The following TMEM179 variants were observed in gnomAD, a reference collection of about 807,000 sequenced individuals.
The protein encoded by TMEM179 is transmembrane protein 179A.
TMEM179 carries 17 observed loss-of-function variants against 22.2 expected under a neutral mutation model. The ratio of observed to expected loss-of-function variants is 0.77; its 90% CI spans 0.52 to 1.15. The LOEUF (loss-of-function observed/expected upper bound fraction) is 1.15, where lower values mean the gene tolerates loss of function less well. Ranked by LOEUF, TMEM179 falls within the 50% of genes most tolerant of loss-of-function variation. The pLI is 0.00. For synonymous variants in TMEM179, 127 were observed against 140.5 expected (o/e 0.90, Z 0.68); for missense variants, 265 against 313.6 (o/e 0.84, Z 1.17).
At position 104,595,979 on chromosome 14, in the gene TMEM179, C is replaced by G. The variant is rs1427023142; in HGVS notation, c.444-736G>C. 6.6e-6 allele frequency among the ~76,000 whole-genome samples: 1 copy of G among 152,228 alleles called. No individual in the cohort carries two copies. Among genetic ancestry groups the G allele is most frequent in the Non-Finnish European group, 1.5e-5 (1 of 68,028 alleles). ...GGCCAAGGAAACTTTGCGTGTGTAC[C>G]AGAGGTTGCCCACACTCTTGGGAAG... On this transcript the variant is annotated intron_variant, in intron 2 of 3. Transcript: ENST00000556573. The surrounding 1 kb of genome is among the most constrained non-coding windows in gnomAD (Gnocchi z 5.7).
At position 104,604,486 on chromosome 14, in the gene TMEM179, C is replaced by T. The variant is rs1226117401; in HGVS notation, c.256G>A (p.Ala86Thr). 6.3e-7 allele frequency: 1 copy of T among 1,579,784 alleles called. No homozygotes were observed. Among genetic ancestry groups the T allele is most frequent in the Non-Finnish European group, 8.6e-7 (1 of 1,165,984 alleles). The change falls in exon 1 of 4, where the codon GCC becomes ACC. Residue 86 changes from alanine to threonine, a missense_variant. By Grantham distance (58) the Ala-to-Thr change is moderately conservative. Coordinates refer to ENST00000556573, the MANE Select transcript of TMEM179 (RefSeq NM_001286389.2). This position sits in a 1 kb window ranked among gnomAD's most constrained non-coding sequence, Gnocchi z 4.6. The stretch of plus-strand genomic sequence containing the variant: ...AAGAGCGTGCGCCAGGCGTGCGCGG[C>T]GGCCAGCAGCAGAGACAGGAGGCTG... ...LASLLSLLLA[A>T]AHAWRTLFFL...
rs1465702432 is a variant in TMEM179 at position 104,595,243 on chromosome 14, G to A, written c.444C>T (p.Ser148=). The change falls in exon 3 of 4, where the codon AGC becomes AGT. Residue 148 remains serine (S), a splice_region_variant and synonymous_variant. Coordinates refer to ENST00000556573, the MANE Select transcript of TMEM179 (RefSeq NM_001286389.2). This position sits in a 1 kb window ranked among gnomAD's most constrained non-coding sequence, Gnocchi z 5.7. ...AGTCGATGTCCTGGAGCTCTTCACAGCTAAAACAGCAGGACATAGGGTGGA... is the reference window on the plus strand; with the variant it reads ...AGTCGATGTCCTGGAGCTCTTCACAACTAAAACAGCAGGACATAGGGTGGA... The part of the protein sequence containing the change: ...TITEKGTVPH[S]CEELQDIDLE... The A allele has an allele frequency of 6.2e-7, 1 of 1,612,540 alleles. No homozygotes were observed. Among genetic ancestry groups the A allele is most frequent in the Non-Finnish European group, 8.5e-7 (1 of 1,179,586 alleles).
chr14:104,594,465 A>G, intron 3 of TMEM179: 4 of 1,231,658 alleles, frequency 3.2e-6, no homozygotes, highest in Non-Finnish European at 4.0e-6. Flanking sequence ...CCCACCCGGC[A>G]CCCCTCATCT....
chr14:104,596,788 C>A (rs1713334844), intron 2 of TMEM179, among the ~76,000 whole-genome samples: 1 of 152,106 alleles, frequency 6.6e-6, no homozygotes. Context: ...GCTCCTAGGG[C>A]GGGAAGGTGT....
At position 104,592,770 on chromosome 14, in the gene TMEM179, T is replaced by C. The variant is rs184213634; in HGVS notation, c.*709A>G. ...CCATGGCTCCTGGCCCAGTCCTCTA[T>C]GTGGTACGTGTGCCCCCGAAATCCC... On this transcript the variant is annotated 3_prime_UTR_variant, in exon 4 of 4. Transcript: ENST00000556573. 4.2e-3 allele frequency among the ~76,000 whole-genome samples: 647 copies of C among 152,302 alleles called. 4 individuals carry two copies. Among genetic ancestry groups the C allele is most frequent in the Middle Eastern group, 0.024 (7 of 294 alleles).
At chr14:104,598,599 A>T (rs1001965733) in intron 1 of TMEM179, among the ~76,000 whole-genome samples, 4 of 152,254 alleles carry the variant, frequency 2.6e-5, no homozygotes, top group African/African-American at 9.6e-5. Context: ...GCAGAGTGAT[A>T]CAAAAGACGA....
At chr14:104,601,901 G>A (rs1269464922) in intron 1 of TMEM179, among the ~76,000 whole-genome samples, 1 of 152,068 alleles carries the variant, frequency 6.6e-6, no homozygotes, top group East Asian at 1.9e-4. Context: ...ACCCCCACAG[G>A]CCTGAGCATA....
rs1315955386 is a variant in TMEM179, at chr14:104,591,814, AGGGAGCACTT to A, written c.*1655_*1664del. The A allele has an allele frequency of 9.9e-6, 2 of 201,752 alleles. No homozygotes were observed. The highest frequency in any genetic ancestry group is 4.8e-5 in the African/African-American group (2 of 41,776). 12.5% of individuals were successfully genotyped at this position (201,752 alleles called of 1,614,324 possible). A position where few individuals can be genotyped will look rare whatever the true frequency, so the allele number is the denominator to read the frequency against. On this transcript the variant is annotated 3_prime_UTR_variant, in exon 4 of 4. Coordinates refer to ENST00000556573, the MANE Select transcript of TMEM179 (RefSeq NM_001286389.2). Reference sequence around the variant, plus strand: ...TCCCCGGGAAGGTGGGCGCAGCAGCAGGGAGCACTTGGCAGCACTCGAGCCAAGAAACGGA... The same window carrying A: ...TCCCCGGGAAGGTGGGCGCAGCAGCAGGCAGCACTCGAGCCAAGAAACGGA...
At chr14:104,594,560 T>G in intron 3 of TMEM179, 1 of 1,230,786 alleles carries the variant, frequency 8.1e-7, no homozygotes. Context: ...CACGGGCCAC[T>G]GATGTGTCCC....
rs935496979 is a variant in TMEM179 at position 104,597,804 on chromosome 14, G to A, written c.306-677C>T. On this transcript the variant is annotated intron_variant, in intron 1 of 3. Transcript: ENST00000556573. The surrounding 1 kb of genome is among the most constrained non-coding windows in gnomAD (Gnocchi z 4.8). ...TGATGCCGAGAGCTTCCATTCACCC[G>A]CAGGTCATCAGCGCGTGGCCTGGAC... 6.6e-6 allele frequency among the ~76,000 whole-genome samples: 1 copy of A among 152,190 alleles called. No individual in the cohort carries two copies. Among genetic ancestry groups the A allele is most frequent in the Non-Finnish European group, 1.5e-5 (1 of 68,032 alleles).
chr14:104,593,118 C>G lies in TMEM179; in HGVS notation c.*361G>C, dbSNP rs1886896179. 3 of 318,478 alleles carry G rather than the reference C, an allele frequency of 9.4e-6. No homozygotes were observed. The East Asian group carries it at 1.9e-4, about 20-fold the overall frequency. The allele number at this position is 318,478 out of a possible 1,614,324, so 19.7% of individuals were successfully genotyped here. ...ACCCCTGGGCCAGCTGGCATGGAGA[C>G]AGCATCCGGCCAGGGTTGGGGGAGA... On this transcript the variant is annotated 3_prime_UTR_variant, in exon 4 of 4. Transcript: ENST00000556573.
Position 104,597,115 on chromosome 14 carries a change from G to A in TMEM179, c.318C>T (p.Ser106=), listed in dbSNP as rs113763358. 1.0e-5 allele frequency: 16 copies of A among 1,596,520 alleles called. No individual in the cohort carries two copies. Among genetic ancestry groups the A allele is most frequent in the African/African-American group, 9.4e-5 (7 of 74,734 alleles). The change falls in exon 2 of 4, where the codon TCC becomes TCT. Residue 106 remains serine (S), a synonymous_variant. Transcript: ENST00000556573. The surrounding 1 kb of genome is among the most constrained non-coding windows in gnomAD (Gnocchi z 4.8). ...CGCTGACCAGGAGGTTCAGGAAGGC[G>A]GAGAAGAAGGAGCTGCAGCCAGAAA... ...LCKGHEGSFF[S]AFLNLLVSAF... is the part of the protein sequence containing the mutation.
chr14:104,593,314 TG>T lies in TMEM179; in HGVS notation c.*164del. ...CCCAGTCCACTGCCAGGCTCACAGG[TG>T]GGCACTGGGGCGCTCACCTCACTAC... On this transcript the variant is annotated 3_prime_UTR_variant, in exon 4 of 4. Coordinates refer to ENST00000556573, the MANE Select transcript of TMEM179 (RefSeq NM_001286389.2). The T allele has an allele frequency of 2.6e-6, 2 of 770,340 alleles. No homozygotes were observed. Among genetic ancestry groups the T allele is most frequent in the Middle Eastern group, 2.4e-4 (1 of 4,234 alleles). 47.7% of individuals were successfully genotyped at this position (770,340 alleles called of 1,614,324 possible). A position where few individuals can be genotyped will look rare whatever the true frequency, so the allele number is the denominator to read the frequency against.
In TMEM179 at chr14:104,591,415, G is replaced by T; in HGVS notation, c.*2064C>A. The T allele has an allele frequency of 2.2e-6, 1 of 456,030 alleles. No homozygotes were observed. The highest frequency in any genetic ancestry group is 4.4e-6 in the Non-Finnish European group (1 of 226,764). 28.2% of individuals were successfully genotyped at this position (456,030 alleles called of 1,614,324 possible). A position where few individuals can be genotyped will look rare whatever the true frequency, so the allele number is the denominator to read the frequency against. ...GGGGACACAGACAAGGAGCTCTCCG[G>T]ACTGGAAAGAGTCCCCATGTCCAGT... On this transcript the variant is annotated 3_prime_UTR_variant, in exon 4 of 4. Coordinates refer to ENST00000556573, the MANE Select transcript of TMEM179 (RefSeq NM_001286389.2).
At chr14:104,602,068 G>C (rs1432646633) in intron 1 of TMEM179, among the ~76,000 whole-genome samples, 1 of 152,186 alleles carries the variant, frequency 6.6e-6, no homozygotes, top group Admixed American at 6.5e-5. Context: ...CCAGGAATCT[G>C]TTTTCTGCCT....
At position 104,604,189 on chromosome 14, in the gene TMEM179, G is replaced by A. The variant is rs1323154544; in HGVS notation, c.305+248C>T. Among the ~76,000 whole-genome samples, 2 of 152,228 alleles carry A rather than the reference G, an allele frequency of 1.3e-5. No individual in the cohort carries two copies. The highest frequency in any genetic ancestry group is 2.9e-5 in the Non-Finnish European group (2 of 68,024). ...CCCAAGGGAGCAGATGCCCGGAAGC[G>A]GGAGGTGATGCGCAGCTGGGGAGGG... On this transcript the variant is annotated intron_variant, in intron 1 of 3. Coordinates refer to ENST00000556573, the MANE Select transcript of TMEM179 (RefSeq NM_001286389.2). The surrounding 1 kb of genome is among the most constrained non-coding windows in gnomAD (Gnocchi z 4.6).
chr14:104,598,213 G>A (rs1370701357), intron 1 of TMEM179, among the ~76,000 whole-genome samples: 1 of 152,214 alleles, frequency 6.6e-6, no homozygotes, highest in Non-Finnish European at 1.5e-5. Context: ...AGGCTCCGGG[G>A]GGTAGGGAGA....
In TMEM179 at chr14:104,594,990, C is replaced by T. The variant is rs559663407; in HGVS notation, c.522+175G>A. The T allele has an allele frequency of 8.1e-6, 12 of 1,481,478 alleles. No individual in the cohort carries two copies. The East Asian group carries it at 2.5e-4, about 30-fold the overall frequency. The allele number at this position is 1,481,478 out of a possible 1,614,324, so 91.8% of individuals were successfully genotyped here. On this transcript the variant is annotated intron_variant, in intron 3 of 3. Coordinates refer to ENST00000556573, the MANE Select transcript of TMEM179 (RefSeq NM_001286389.2). Reference sequence around the variant, plus strand: ...CACCTACAAAAGCCCAGCTCTCCCCCACCTCCTGCAGGAAGCCTTCCCGAC... The same window carrying T: ...CACCTACAAAAGCCCAGCTCTCCCCTACCTCCTGCAGGAAGCCTTCCCGAC...
At position 104,592,981 on chromosome 14, in the gene TMEM179, G is replaced by A; in HGVS notation, c.*498C>T. The A allele has an allele frequency of 6.2e-6, 1 of 161,702 alleles. No homozygotes were observed. The highest frequency in any genetic ancestry group is 1.4e-5 in the Non-Finnish European group (1 of 73,862). The allele number at this position is 161,702 out of a possible 1,614,324, so 10.0% of individuals were successfully genotyped here. ...GGAGGGGGACTCAGCTGGGGAGGGG[G>A]CCAACCTGGGGCCAGAGGCTGGAAG... On this transcript the variant is annotated 3_prime_UTR_variant, in exon 4 of 4. Coordinates refer to ENST00000556573, the MANE Select transcript of TMEM179 (RefSeq NM_001286389.2).
Sources: allele counts gnomAD v4.1 joint callset (sites outside exome capture counted in the v4.1 genomes callset), GRCh38; gene constraint gnomAD v4.1.1; non-coding constraint Gnocchi (gnomAD v3.1); transcripts MANE v1.5; gene names NCBI Gene and HGNC (gene_info 2026-07-23, HGNC 2026-07-21).